NUMB: variants seen among roughly 807,000 people sequenced by gnomAD.
NUMB encodes the protein NUMB endocytic adaptor protein.
NUMB carries 29 observed loss-of-function variants against 59.7 expected under a neutral mutation model. The ratio of observed to expected loss-of-function variants is 0.49; its 90% CI spans 0.36 to 0.66. The LOEUF is 0.66. Among genes scored for constraint, NUMB ranks in the 30% least tolerant of loss-of-function variants. The pLI is 0.00. For missense variants in NUMB, 723 were observed against 822.0 expected, an observed-to-expected ratio of 0.88 and a Z score of 1.47; for synonymous variants, 288 against 288.2, an observed-to-expected ratio of 1.00 and a Z score of 0.01.
intron 1 of NUMB, among the ~76,000 whole-genome samples, chr14:73,424,894 G>A (rs1018839096): frequency 1.3e-5 from 2 of 152,182 alleles, no homozygotes; most frequent in Non-Finnish European, 2.9e-5. Context: ...CTAGAATGAC[G>A]GCTTTAGGAG....
intron 2 of NUMB, among the ~76,000 whole-genome samples, chr14:73,391,999 G>T (rs560344426): frequency 1.2e-4 from 19 of 152,158 alleles, no homozygotes; most frequent in Admixed American, 1.0e-3. Context: ...AATCACCCAA[G>T]CCAGTCCAAA....
intron 6 of NUMB, among the ~76,000 whole-genome samples, chr14:73,305,723 C>T (rs1032256523): frequency 6.6e-6 from 1 of 152,322 alleles, no homozygotes. Context: ...CTCAGAACAA[C>T]AGTGATTTGC....
intron 2 of NUMB, among the ~76,000 whole-genome samples, chr14:73,400,148 T>C (rs913687040): frequency 2.0e-5 from 3 of 152,150 alleles, no homozygotes; most frequent in Non-Finnish European, 4.4e-5. Context: ...AAATGCACAC[T>C]ACTAAGTGAA....
chr14:73,413,956 CTTT>C (rs748482351), intron 1 of NUMB, among the ~76,000 whole-genome samples: 13 of 138,904 alleles, frequency 9.4e-5, no homozygotes, highest in Admixed American at 1.5e-4. Flanking sequence ...AATGTTTTTT[CTTT>C]TTTTTTTTTT....
At chr14:73,372,789 T>C (rs1894775964) in intron 2 of NUMB, among the ~76,000 whole-genome samples, 1 of 152,158 alleles carries the variant, frequency 6.6e-6, no homozygotes, top group Middle Eastern at 3.2e-3. Flanking sequence ...ATTATATTCA[T>C]TGTATTATAT....
rs546873322 is a variant in NUMB at position 73,284,228 on chromosome 14, T to A, written c.802A>T (p.Ile268Phe). Residue 268 changes from isoleucine to phenylalanine, a missense_variant, in exon 10 of 13, where the codon ATT becomes TTT. Transcript: ENST00000555238. Reference protein sequence around the residue: ...PHAIPRRHAPIEQLARQGSFR... With the variant: ...PHAIPRRHAPFEQLARQGSFR... The stretch of plus-strand genomic sequence containing the variant: ...GAGCCTTGGCGAGCAAGCTGTTCAA[T>A]TGGAGCATGCCGGCGTGGGATGGCA... The A allele has an allele frequency of 1.2e-6, 2 of 1,614,036 alleles. No individual in the cohort carries two copies. The highest frequency in any genetic ancestry group is 1.3e-5 in the African/African-American group (1 of 74,906).
intron 1 of NUMB, among the ~76,000 whole-genome samples, chr14:73,443,120 C>T (rs1234941940): frequency 6.6e-6 from 1 of 152,162 alleles, no homozygotes; most frequent in Admixed American, 6.6e-5. Context: ...CCTTGGCCTC[C>T]CAAAGCACTG....
chr14:73,338,104 G>A (rs1892444133), intron 4 of NUMB, among the ~76,000 whole-genome samples: 1 of 152,014 alleles, frequency 6.6e-6, no homozygotes, highest in Non-Finnish European at 1.5e-5. Context: ...GGACAACATA[G>A]TGAGACCCCC....
intron 4 of NUMB, among the ~76,000 whole-genome samples, chr14:73,352,497 T>C (rs1457125049): frequency 0.011 from 121 of 11,002 alleles, 14 homozygotes; most frequent in East Asian, 0.046. Context: ...TATATATATA[T>C]ATATATATAT....
At chr14:73,331,701 G>C (rs1891989157) in intron 4 of NUMB, among the ~76,000 whole-genome samples, 1 of 152,132 alleles carries the variant, frequency 6.6e-6, no homozygotes, top group Admixed American at 6.5e-5. Flanking sequence ...CCCTCATGCT[G>C]TTCTTGGGAT....
At chr14:73,454,068 G>GT (rs1419407566) in intron 1 of NUMB, among the ~76,000 whole-genome samples, 1 of 151,956 alleles carries the variant, frequency 6.6e-6, no homozygotes, top group African/African-American at 2.4e-5. Context: ...AAGTTGGGCG[G>GT]GGGGGGAACG....
intron 1 of NUMB, among the ~76,000 whole-genome samples, chr14:73,451,831 T>C (rs1356702102): frequency 6.6e-6 from 1 of 152,200 alleles, no homozygotes; most frequent in Non-Finnish European, 1.5e-5. Context: ...TTCTACAGTT[T>C]TTCCCTCTTC....
intron 2 of NUMB, among the ~76,000 whole-genome samples, chr14:73,404,365 C>T (rs1251414202): frequency 6.6e-6 from 1 of 151,814 alleles, no homozygotes; most frequent in Non-Finnish European, 1.5e-5. Flanking sequence ...TGATCAGGGT[C>T]TTGGGGTTAC....
At chr14:73,382,578 G>T (rs1396420884) in intron 2 of NUMB, among the ~76,000 whole-genome samples, 2 of 152,006 alleles carry the variant, frequency 1.3e-5, no homozygotes, top group African/African-American at 4.8e-5. Flanking sequence ...CAATACTCTT[G>T]AAGTGGAAAC....
At chr14:73,352,369 T>C (rs542529136) in intron 4 of NUMB, among the ~76,000 whole-genome samples, 1 of 149,484 alleles carries the variant, frequency 6.7e-6, no homozygotes, top group Non-Finnish European at 1.5e-5. Context: ...TTTTCTTACA[T>C]GTTCTTACAG....
chr14:73,404,479 CAACT>C (rs1463642103), intron 2 of NUMB, among the ~76,000 whole-genome samples: 1 of 151,920 alleles, frequency 6.6e-6, no homozygotes, highest in Non-Finnish European at 1.5e-5. Context: ...ATGTTGTCTA[CAACT>C]TACTTTCAAG....
intron 11 of NUMB, among the ~76,000 whole-genome samples, 159 bp from the exon 12 acceptor site, chr14:73,279,583 A>T (rs1888469439): frequency 6.6e-6 from 1 of 152,224 alleles, no homozygotes; most frequent in Non-Finnish European, 1.5e-5. Context: ...CATTGGATGT[A>T]CATACCATTA....
intron 1 of NUMB, among the ~76,000 whole-genome samples, chr14:73,457,006 C>T (rs1884421205): frequency 6.6e-6 from 1 of 151,922 alleles, no homozygotes. Flanking sequence ...GACTATGTGC[C>T]AGTCACTATC....
chr14:73,385,877 G>A (rs1057467079), intron 2 of NUMB, among the ~76,000 whole-genome samples: 1 of 152,048 alleles, frequency 6.6e-6, no homozygotes, highest in African/African-American at 2.4e-5. Context: ...TGAAAAATTC[G>A]TTGCAATGGA....
Sources: allele counts gnomAD v4.1 joint callset (sites outside exome capture counted in the v4.1 genomes callset), GRCh38; gene constraint gnomAD v4.1.1; transcripts MANE v1.5; gene names NCBI Gene and HGNC (gene_info 2026-07-23, HGNC 2026-07-21).